The following MAGI3 variants were observed in gnomAD, a reference collection of about 807,000 sequenced individuals.
MAGI3 encodes membrane associated guanylate kinase, WW and PDZ domain containing 3, also known as membrane-associated guanylate kinase, WW and PDZ domain-containing protein 3.
A neutral mutation model predicts 121.8 loss-of-function variants in MAGI3; 43 were observed. The observed-to-expected ratio is 0.35, with a 90% CI of 0.28 to 0.46. The LOEUF (loss-of-function observed/expected upper bound fraction) is 0.46, where lower values mean the gene tolerates loss of function less well. Among genes scored for constraint, MAGI3 ranks in the 20% least tolerant of loss-of-function variants. The pLI is 1.00. For missense variants in MAGI3, 1,547 were observed against 1,797.3 expected (o/e 0.86, Z 2.52); for synonymous variants, 553 against 639.3 (o/e 0.86, Z 2.04).
At chr1:113,564,292 A>AT (rs1660348547) in intron 2 of MAGI3, among the ~76,000 whole-genome samples, 1 of 152,186 alleles carries the variant, frequency 6.6e-6, no homozygotes, top group African/African-American at 2.4e-5. Flanking sequence ...TCACAATTTA[A>AT]TTACAGTATC....
intron 1 of MAGI3, among the ~76,000 whole-genome samples, chr1:113,494,165 A>G (rs868361863): frequency 6.6e-6 from 1 of 152,200 alleles, no homozygotes; most frequent in Non-Finnish European, 1.5e-5. Context: ...AATATACACC[A>G]TGGCATTCTA....
chr1:113,672,481 T>C lies in MAGI3; in HGVS notation c.2919-134T>C, dbSNP rs1400743158. 4 of 849,184 alleles carry C rather than the reference T, an allele frequency of 4.7e-6. No individual in the cohort carries two copies. In the Admixed American group the frequency reaches 1.3e-4, roughly 27 times the overall value. 52.6% of individuals were successfully genotyped at this position (849,184 alleles called of 1,614,324 possible). A position where few individuals can be genotyped will look rare whatever the true frequency, so the allele number is the denominator to read the frequency against. On this transcript the variant is annotated intron_variant, in intron 17 of 20. Coordinates refer to ENST00000307546, the MANE Select transcript of MAGI3 (RefSeq NM_001142782.2). ...CACCCCTCTGATCTGATTTTAGATATAGTCTGTCTTCATAGTGGTTTGTCA... is the reference window on the plus strand; with the variant it reads ...CACCCCTCTGATCTGATTTTAGATACAGTCTGTCTTCATAGTGGTTTGTCA...
At chr1:113,492,219 C>T (rs1656704930) in intron 1 of MAGI3, among the ~76,000 whole-genome samples, 1 of 152,132 alleles carries the variant, frequency 6.6e-6, no homozygotes, top group African/African-American at 2.4e-5. Flanking sequence ...GTAACATATG[C>T]AAATCAATAA....
rs186826206 is a variant in MAGI3 at position 113,436,701 on chromosome 1, G to C, written c.316+45352G>C. Among the ~76,000 whole-genome samples, 3 of 150,856 alleles carry C rather than the reference G, an allele frequency of 2.0e-5. No individual in the cohort carries two copies. The East Asian group carries it at 5.8e-4, about 29-fold the overall frequency. The stretch of plus-strand genomic sequence containing the variant: ...ATAAACATCATTTTTTTTTAATACT[G>C]TCAAAGCACTTTGGAGAATGGAATT... On this transcript the variant is annotated intron_variant, in intron 1 of 20. Transcript: ENST00000307546.
chr1:113,612,884 A>G (rs1326479808), intron 6 of MAGI3, among the ~76,000 whole-genome samples: 2 of 152,184 alleles, frequency 1.3e-5, no homozygotes, highest in African/African-American at 2.4e-5. Context: ...CAAATGGACT[A>G]TTTCAGCTAT....
chr1:113,585,973 T>G (rs1648342214), intron 4 of MAGI3, among the ~76,000 whole-genome samples: 1 of 152,220 alleles, frequency 6.6e-6, no homozygotes, highest in Non-Finnish European at 1.5e-5. Context: ...CTAAACAAAG[T>G]AAATAGGGCT....
At chr1:113,586,169 G>A (rs1570904189) in intron 4 of MAGI3, among the ~76,000 whole-genome samples, 1 of 152,080 alleles carries the variant, frequency 6.6e-6, no homozygotes, top group African/African-American at 2.4e-5. Flanking sequence ...TTGCTTAGAG[G>A]GTTATTAGAC....
chr1:113,425,273 A>AT (rs949045641), intron 1 of MAGI3, among the ~76,000 whole-genome samples: 6,576 of 86,956 alleles, frequency 0.076, 1,229 homozygotes, highest in African/African-American at 0.089. Context: ...TACAAATTCA[A>AT]TTTTTTTTTT....
At chr1:113,442,462 G>T (rs1249391381) in intron 1 of MAGI3, among the ~76,000 whole-genome samples, 1 of 151,972 alleles carries the variant, frequency 6.6e-6, no homozygotes, top group African/African-American at 2.4e-5. Context: ...TGTTACTGAA[G>T]AATTGGTTTT....
chr1:113,446,223 G>T (rs1343596993), intron 1 of MAGI3, among the ~76,000 whole-genome samples: 1 of 152,072 alleles, frequency 6.6e-6, no homozygotes, highest in Non-Finnish European at 1.5e-5. Flanking sequence ...ATATAATTTT[G>T]TGACATCAAC....
rs367729638 is a variant in MAGI3, at chr1:113,590,477, A to C, written c.764-7A>C. 5.0e-6 allele frequency: 8 copies of C among 1,613,160 alleles called. No homozygotes were observed. The African/African-American group carries it at 1.1e-4, about 22-fold the overall frequency. On this transcript the variant is annotated splice_polypyrimidine_tract_variant and splice_region_variant and intron_variant, in intron 4 of 20. Transcript: ENST00000307546. ...TTTTCACACCTTTCTGTTTTGAACA[A>C]TGGCAGAAAACAGAGAGAGGCATTC...
At chr1:113,489,205 C>G (rs1032322867) in intron 1 of MAGI3, among the ~76,000 whole-genome samples, 2 of 146,898 alleles carry the variant, frequency 1.4e-5, no homozygotes, top group Non-Finnish European at 3.0e-5. Flanking sequence ...TTTCTAACCT[C>G]GAGGAGCCAG....
chr1:113,441,826 C>G (rs565502998), intron 1 of MAGI3, among the ~76,000 whole-genome samples: 1 of 152,108 alleles, frequency 6.6e-6, no homozygotes, highest in Non-Finnish European at 1.5e-5. Flanking sequence ...TATGTTCTTT[C>G]CTATGAGTAC....
At chr1:113,445,061 GAAAGA>G (rs1001382995) in intron 1 of MAGI3, among the ~76,000 whole-genome samples, 5 of 152,010 alleles carry the variant, frequency 3.3e-5, no homozygotes, top group Non-Finnish European at 7.4e-5. Flanking sequence ...CTGAGGAACA[GAAAGA>G]AAAAATACTG....
chr1:113,607,577 T>G (rs781546920), intron 6 of MAGI3, among the ~76,000 whole-genome samples: 28 of 152,216 alleles, frequency 1.8e-4, no homozygotes, highest in Non-Finnish European at 3.2e-4. Flanking sequence ...ATATATAAGC[T>G]TTTTTCAACT....
intron 3 of MAGI3, among the ~76,000 whole-genome samples, chr1:113,585,087 T>C (rs1265080230): frequency 1.3e-5 from 2 of 150,748 alleles, no homozygotes; most frequent in Admixed American, 1.3e-4. Flanking sequence ...CCTGCCTCAG[T>C]CTCCCGAGTA....
chr1:113,661,808 T>C (rs1653797850), intron 16 of MAGI3, among the ~76,000 whole-genome samples: 1 of 152,194 alleles, frequency 6.6e-6, no homozygotes, highest in Non-Finnish European at 1.5e-5. Flanking sequence ...CCTCTTAAAA[T>C]ACAGTCACAT....
At chr1:113,573,407 T>C (rs147962667) in intron 2 of MAGI3, among the ~76,000 whole-genome samples, 17,365 of 152,270 alleles carry the variant, frequency 0.11, 1,120 homozygotes, top group East Asian at 0.18. Context: ...TTTGTTCTCA[T>C]TGGTTTCAAA....
chr1:113,605,978 T>A (rs1439828416), intron 6 of MAGI3, among the ~76,000 whole-genome samples: 1 of 151,122 alleles, frequency 6.6e-6, no homozygotes, highest in Non-Finnish European at 1.5e-5. Context: ...TTATTATTCT[T>A]TTTTTGAGAC....
Sources: allele counts gnomAD v4.1 joint callset (sites outside exome capture counted in the v4.1 genomes callset), GRCh38; gene constraint gnomAD v4.1.1; transcripts MANE v1.5; gene names NCBI Gene and HGNC (gene_info 2026-07-23, HGNC 2026-07-21).